Variants in NBL1 observed in about 807,000 individuals in gnomAD.
NBL1 encodes the protein neuroblastoma suppressor of tumorigenicity 1.
A neutral mutation model predicts 16.0 loss-of-function variants in NBL1; 9 were observed. That is an observed-to-expected ratio of 0.56 (90% CI 0.34 to 0.98). The LOEUF (loss-of-function observed/expected upper bound fraction) is 0.98, where lower values mean the gene tolerates loss of function less well. NBL1 is among the 50% of genes least tolerant of loss of function. The pLI is 0.02. For synonymous variants in NBL1, 86 were observed against 100.7 expected, an observed-to-expected ratio of 0.85 and a Z score of 0.87; for missense variants, 196 against 243.1, an observed-to-expected ratio of 0.81 and a Z score of 1.29.
chr1:19,650,082 C>T (rs1429959203), intron 1 of NBL1, among the ~76,000 whole-genome samples: 4 of 152,192 alleles, frequency 2.6e-5, no homozygotes, highest in African/African-American at 9.7e-5. Context: ...TCACGCCATT[C>T]TCCTGCCTCA....
intron 1 of NBL1, among the ~76,000 whole-genome samples, chr1:19,652,464 G>GA (rs952079187): frequency 3.3e-5 from 5 of 151,108 alleles, no homozygotes; most frequent in Admixed American, 6.6e-5. Flanking sequence ...GAGGCGGCGG[G>GA]GGGGCAGCCT....
intron 1 of NBL1, chr1:19,645,244 G>A: frequency 4.0e-6 from 2 of 500,914 alleles, no homozygotes; most frequent in African/African-American, 2.1e-5. Flanking sequence ...TGAGTCTGGG[G>A]CAGGGAGAGC....
chr1:19,656,112 T>C (rs1481711747), intron 3 of NBL1, among the ~76,000 whole-genome samples: 5 of 152,050 alleles, frequency 3.3e-5, no homozygotes, highest in African/African-American at 1.2e-4. Context: ...TTTTGACAGA[T>C]CTGTTTCCCC....
chr1:19,651,982 G>T (rs1262582040), intron 1 of NBL1, among the ~76,000 whole-genome samples: 3 of 152,022 alleles, frequency 2.0e-5, no homozygotes, highest in Non-Finnish European at 4.4e-5. Flanking sequence ...AGTTCAAGTG[G>T]TCCTCCCGCT....
At chr1:19,644,203 C>G, upstream of NBL1, 1 of 977,928 alleles carries the variant, frequency 1.0e-6, no homozygotes, top group Non-Finnish European at 1.2e-6. This position sits in a 1 kb window ranked among gnomAD's most constrained non-coding sequence, Gnocchi z 4.6. Flanking sequence ...CGCCCGCCCG[C>G]TCTTTCTGCG....
chr1:19,654,009 T>A (rs955185830), intron 1 of NBL1, among the ~76,000 whole-genome samples: 1 of 152,214 alleles, frequency 6.6e-6, no homozygotes, highest in Non-Finnish European at 1.5e-5. Context: ...GTGATCTGTG[T>A]AGAGCCCTTG....
Position 19,644,481 on chromosome 1 carries a change from G to C in NBL1, c.-20+35G>C. The C allele has an allele frequency of 1.0e-6, 1 of 973,480 alleles. No individual in the cohort carries two copies. The highest frequency in any genetic ancestry group is 1.2e-6 in the Non-Finnish European group (1 of 821,930). The allele number at this position is 973,480 out of a possible 1,614,324, so 60.3% of individuals were successfully genotyped here. ...GCCCGGGTCGGCACGCGGGCGCCCG[G>C]CTTCCAGAGGCTTCGGCCGCGGGGG... On this transcript the variant is annotated intron_variant, in intron 1 of 3. Coordinates refer to ENST00000375136, the MANE Select transcript of NBL1 (RefSeq NM_005380.8). This position sits in a 1 kb window ranked among gnomAD's most constrained non-coding sequence, Gnocchi z 4.6.
chr1:19,657,376 G>GGC lies in NBL1; in HGVS notation c.*248_*249insCG, dbSNP rs1050232300. On this transcript the variant is annotated 3_prime_UTR_variant, in exon 4 of 4. Coordinates refer to ENST00000375136, the MANE Select transcript of NBL1 (RefSeq NM_005380.8). ...GTCTTCAGGGCTCTTTTTTTGGGGG[G>GGC]GGTGGTCTCTTCCTGTCTGGCTTCT... The GGC allele has an allele frequency of 3.1e-4, 83 of 265,646 alleles. No individual in the cohort carries two copies. Among genetic ancestry groups the GGC allele is most frequent in the African/African-American group, 1.8e-3 (78 of 44,542 alleles). 16.5% of individuals were successfully genotyped at this position (265,646 alleles called of 1,614,324 possible).
At chr1:19,646,054 G>C (rs2094978006) in intron 1 of NBL1, 1 of 1,550,554 alleles carries the variant, frequency 6.4e-7, no homozygotes. Flanking sequence ...CCGTGGCCTG[G>C]GTTTGGGGGC....
chr1:19,647,884 CGTGTGCGCGCGT>C, intron 1 of NBL1, among the ~76,000 whole-genome samples: 1 of 129,304 alleles, frequency 7.7e-6, no homozygotes, highest in Non-Finnish European at 1.6e-5. Flanking sequence ...TGTGTGTGTG[CGTGTGCGCGCGT>C]GTGTGTGCGT....
intron 1 of NBL1, among the ~76,000 whole-genome samples, chr1:19,653,111 C>T (rs1022223736): frequency 1.3e-5 from 2 of 151,746 alleles, no homozygotes; most frequent in African/African-American, 4.8e-5. Flanking sequence ...CACGGTGAAA[C>T]CCCGTCTCTA....
At chr1:19,645,158 C>A (rs912510245) in intron 1 of NBL1, among the ~76,000 whole-genome samples, 2 of 152,182 alleles carry the variant, frequency 1.3e-5, no homozygotes, top group African/African-American at 2.4e-5. Flanking sequence ...CGAATAGTTT[C>A]CTAGACCGGG....
intron 3 of NBL1, 23 bp downstream of exon 3, chr1:19,655,458 A>G (rs1380529463): frequency 3.7e-6 from 6 of 1,611,610 alleles, no homozygotes; most frequent in African/African-American, 1.3e-5. Flanking sequence ...TGCCTGCCCC[A>G]CCCAGTCTCG....
chr1:19,648,422 C>T (rs1006972473), intron 1 of NBL1, among the ~76,000 whole-genome samples: 4 of 152,118 alleles, frequency 2.6e-5, no homozygotes, highest in South Asian at 2.1e-4. Flanking sequence ...TCATACCTGG[C>T]GGGGTCACAC....
At chr1:19,647,769 C>CCAT in intron 1 of NBL1, 3 of 696,290 alleles carry the variant, frequency 4.3e-6, no homozygotes, top group Non-Finnish European at 5.3e-6. Flanking sequence ...AGAGCCCTGC[C>CCAT]CTTTCCACCG....
intron 1 of NBL1, among the ~76,000 whole-genome samples, chr1:19,649,481 C>T (rs2095008711): frequency 6.6e-6 from 1 of 152,044 alleles, no homozygotes; most frequent in African/African-American, 2.4e-5. Flanking sequence ...GCCTCAGCCT[C>T]CTGAGTAGCT....
rs1360213097 is a variant in NBL1, at chr1:19,657,036, C to T, written c.453C>T (p.His151=). 35 of 1,555,062 alleles carry T rather than the reference C, an allele frequency of 2.3e-5. No homozygotes were observed. The highest frequency in any genetic ancestry group is 3.0e-5 in the Non-Finnish European group (35 of 1,150,314). The part of the protein sequence containing the change: ...GPGSQPGTHP[H]PHPHPHPGGQ... ...GATCCCAGCCCGGCACCCACCCTCA[C>T]CCCCATCCCCACCCCCATCCTGGCG... The change falls in exon 4 of 4, where the codon CAC becomes CAT. Residue 151 remains histidine (H), a synonymous_variant. Coordinates refer to ENST00000375136, the MANE Select transcript of NBL1 (RefSeq NM_005380.8).
upstream of NBL1, chr1:19,643,575 T>C: frequency 7.1e-7 from 1 of 1,410,558 alleles, no homozygotes; most frequent in Non-Finnish European, 9.2e-7. The surrounding 1 kb of genome is among the most constrained non-coding windows in gnomAD (Gnocchi z 4.7). Flanking sequence ...ACCCCCGAGG[T>C]GAGGCTGGAA....
chr1:19,658,128 A>G lies in NBL1; in HGVS notation c.*999A>G, dbSNP rs1371618117. ...AACTCCAGGACGAGGAGGACATGGGACTTGCGTGGACAGTCAGGGTTCACT... is the reference window on the plus strand; with the variant it reads ...AACTCCAGGACGAGGAGGACATGGGGCTTGCGTGGACAGTCAGGGTTCACT... On this transcript the variant is annotated 3_prime_UTR_variant, in exon 4 of 4. Transcript: ENST00000375136. 6.6e-6 allele frequency: 1 copy of G among 152,646 alleles called. No homozygotes were observed. The highest frequency in any genetic ancestry group is 1.5e-5 in the Non-Finnish European group (1 of 68,078). The allele number at this position is 152,646 out of a possible 1,614,324, so 9.5% of individuals were successfully genotyped here. A position where few individuals can be genotyped will look rare whatever the true frequency, so the allele number is the denominator to read the frequency against.
Sources: allele counts gnomAD v4.1 joint callset (sites outside exome capture counted in the v4.1 genomes callset), GRCh38; gene constraint gnomAD v4.1.1; non-coding constraint Gnocchi (gnomAD v3.1); transcripts MANE v1.5; gene names NCBI Gene and HGNC (gene_info 2026-07-23, HGNC 2026-07-21).